The following KIAA1958 variants were observed in gnomAD, a reference collection of about 807,000 sequenced individuals.
KIAA1958 encodes uncharacterized protein KIAA1958.
KIAA1958 carries 14 observed loss-of-function variants against 47.2 expected under a neutral mutation model. The ratio of observed to expected loss-of-function variants is 0.30; its 90% CI spans 0.20 to 0.46. The LOEUF (loss-of-function observed/expected upper bound fraction) is 0.46. Ranked by LOEUF, KIAA1958 falls within the 20% of genes least tolerant of loss-of-function variation. KIAA1958 has a pLI of 1.00. For synonymous variants in KIAA1958, 354 were observed against 353.3 expected (o/e 1.00, Z -0.02); for missense variants, 803 against 909.2 (o/e 0.88, Z 1.50).
intron 1 of KIAA1958, among the ~76,000 whole-genome samples, chr9:112,534,450 A>C (rs1313799026): frequency 2.0e-5 from 3 of 152,102 alleles, no homozygotes; most frequent in African/African-American, 7.2e-5. Context: ...ATTTTCAAAT[A>C]CATTTTGTGA....
At chr9:112,554,848 A>G (rs1835214688) in intron 1 of KIAA1958, among the ~76,000 whole-genome samples, 1 of 152,200 alleles carries the variant, frequency 6.6e-6, no homozygotes. Flanking sequence ...CCTGATTTGG[A>G]GCCACTGTTA....
At chr9:112,632,098 A>G (rs1444361048) in intron 2 of KIAA1958, among the ~76,000 whole-genome samples, 1 of 152,164 alleles carries the variant, frequency 6.6e-6, no homozygotes, top group Non-Finnish European at 1.5e-5. Context: ...TGCAAATATA[A>G]TATGTTCATG....
intron 1 of KIAA1958, among the ~76,000 whole-genome samples, chr9:112,538,610 T>C (rs1213571766): frequency 1.3e-5 from 2 of 152,162 alleles, no homozygotes; most frequent in Admixed American, 6.6e-5. Flanking sequence ...TTTATGATCA[T>C]GTATGAACCA....
At chr9:112,519,243 C>T (rs371548856) in intron 1 of KIAA1958, among the ~76,000 whole-genome samples, 1 of 152,196 alleles carries the variant, frequency 6.6e-6, no homozygotes, top group African/African-American at 2.4e-5. Context: ...CATGCCCAGA[C>T]TAGCTCATGA....
intron 2 of KIAA1958, among the ~76,000 whole-genome samples, chr9:112,606,510 T>A (rs919192958): frequency 6.6e-6 from 1 of 152,242 alleles, no homozygotes; most frequent in Admixed American, 6.5e-5. Flanking sequence ...TCTCAATGCA[T>A]ATATTTCTCA....
chr9:112,640,284 A>G (rs555102712), intron 2 of KIAA1958, among the ~76,000 whole-genome samples: 6 of 152,310 alleles, frequency 3.9e-5, no homozygotes, highest in South Asian at 2.1e-4. Context: ...CTGGATTTCA[A>G]ATGAAAGCTG....
intron 1 of KIAA1958, among the ~76,000 whole-genome samples, chr9:112,511,766 A>G (rs1010107238): frequency 8.5e-5 from 13 of 152,244 alleles, no homozygotes; most frequent in Non-Finnish European, 2.9e-5. Context: ...AATTTTAAAA[A>G]TAGAAATATC....
chr9:112,603,699 T>C (rs1169734914), intron 2 of KIAA1958, among the ~76,000 whole-genome samples: 1 of 152,230 alleles, frequency 6.6e-6, no homozygotes, highest in Non-Finnish European at 1.5e-5. Context: ...CTACCTATGA[T>C]GTAATGTTCA....
intron 2 of KIAA1958, among the ~76,000 whole-genome samples, chr9:112,629,109 T>C (rs577246730): frequency 3.9e-5 from 6 of 152,276 alleles, no homozygotes; most frequent in East Asian, 1.9e-4. Flanking sequence ...TTAAGCTTTC[T>C]TTCACTTTTA....
intron 1 of KIAA1958, among the ~76,000 whole-genome samples, chr9:112,565,567 G>A (rs1835414254): frequency 6.6e-6 from 1 of 152,172 alleles, no homozygotes; most frequent in Admixed American, 6.5e-5. Flanking sequence ...ATTGACTGCT[G>A]ATGGCAATCA....
At chr9:112,595,790 A>AT (rs879272331) in intron 2 of KIAA1958, among the ~76,000 whole-genome samples, 414 of 145,962 alleles carry the variant, frequency 2.8e-3, no homozygotes, top group African/African-American at 7.8e-3. Context: ...GTTTGAAAGC[A>AT]TTTTTTTTTT....
At chr9:112,639,030 T>G (rs1459341426) in intron 2 of KIAA1958, among the ~76,000 whole-genome samples, 2 of 152,236 alleles carry the variant, frequency 1.3e-5, no homozygotes, top group East Asian at 3.8e-4. Flanking sequence ...GCCAGCCTGA[T>G]GTAGCATCAC....
intron 3 of KIAA1958, among the ~76,000 whole-genome samples, chr9:112,656,852 T>G (rs1837160312): frequency 6.6e-6 from 1 of 152,210 alleles, no homozygotes; most frequent in South Asian, 2.1e-4. Flanking sequence ...ATTTTCATAT[T>G]AATATGTATA....
intron 3 of KIAA1958, among the ~76,000 whole-genome samples, chr9:112,658,200 G>C (rs1837186557): frequency 6.6e-6 from 1 of 152,158 alleles, no homozygotes; most frequent in South Asian, 2.1e-4. Flanking sequence ...AAAACCTGTG[G>C]CTCATTAAAC....
In KIAA1958 at chr9:112,659,321, G is replaced by A. The variant is rs1236018938; in HGVS notation, c.1403G>A (p.Ser468Asn). The A allele has an allele frequency of 2.5e-6, 4 of 1,613,954 alleles. No homozygotes were observed. The highest frequency in any genetic ancestry group is 2.2e-5 in the South Asian group (2 of 91,086). Residue 468 changes from serine to asparagine, a missense_variant, in exon 4 of 4, where the codon AGC becomes AAC. By Grantham distance (46) the Ser-to-Asn change is conservative. This residue lies in a region of KIAA1958 where 761 missense variants were observed against 829.3 expected (regional missense o/e 0.92). Transcript: ENST00000337530. ...LENFYVTVKK[S>N]DGSDFLATSL... ...AACTTTTATGTCACCGTCAAGAAGA[G>A]CGACGGCTCGGACTTCCTGGCCACC...
Position 112,660,199 on chromosome 9 carries a change from GC to G in KIAA1958, c.*132del. ...GGTCTGGCGGCTCTCCCCTGGTGTG[GC>G]CTGCCCTCCCTTTGACTTGGGGTTT... is the stretch of plus-strand genomic sequence containing the variant. On this transcript the variant is annotated 3_prime_UTR_variant, in exon 4 of 4. Coordinates refer to ENST00000337530, the MANE Select transcript of KIAA1958 (RefSeq NM_133465.4). The G allele has an allele frequency of 1.4e-6, 1 of 700,804 alleles. No individual in the cohort carries two copies. Among genetic ancestry groups the G allele is most frequent in the South Asian group, 1.8e-5 (1 of 55,754 alleles). The allele number at this position is 700,804 out of a possible 1,614,324, so 43.4% of individuals were successfully genotyped here.
At chr9:112,597,825 T>G (rs1836059729) in intron 2 of KIAA1958, among the ~76,000 whole-genome samples, 1 of 152,232 alleles carries the variant, frequency 6.6e-6, no homozygotes, top group Non-Finnish European at 1.5e-5. Context: ...TTCTTTTGGC[T>G]TTATATTTTT....
At chr9:112,532,785 G>C (rs1387704661) in intron 1 of KIAA1958, among the ~76,000 whole-genome samples, 1 of 152,100 alleles carries the variant, frequency 6.6e-6, no homozygotes, top group Non-Finnish European at 1.5e-5. Flanking sequence ...CTTCATAATG[G>C]GATTTAGCAG....
intron 2 of KIAA1958, among the ~76,000 whole-genome samples, chr9:112,589,574 C>T (rs781057302): frequency 6.6e-6 from 1 of 152,156 alleles, no homozygotes; most frequent in Non-Finnish European, 1.5e-5. Flanking sequence ...AAGAGTGAAA[C>T]TCTGTCTCAA....
Sources: allele counts gnomAD v4.1 joint callset (sites outside exome capture counted in the v4.1 genomes callset), GRCh38; gene constraint gnomAD v4.1.1; regional missense constraint gnomAD v4.1.1; transcripts MANE v1.5; gene names NCBI Gene and HGNC (gene_info 2026-07-23, HGNC 2026-07-21).